Variants in GNAI1 observed in about 807,000 individuals in gnomAD.
The protein encoded by GNAI1 is G protein subunit alpha i1.
Under a neutral mutation model 38.9 loss-of-function variants are expected in GNAI1, and 11 were observed. The ratio of observed to expected loss-of-function variants is 0.28; its 90% CI spans 0.18 to 0.47. GNAI1 has a LOEUF of 0.47. Among genes scored for constraint, GNAI1 ranks in the 20% least tolerant of loss-of-function variants. The pLI is 0.99. For missense variants in GNAI1, 317 were observed against 436.9 expected (o/e 0.73, Z 2.45); for synonymous variants, 166 against 145.1 (o/e 1.14, Z -1.04).
At chr7:80,135,458 C>A in intron 1 of GNAI1, 180 bp downstream of exon 1, 1 of 418,952 alleles carries the variant, frequency 2.4e-6, no homozygotes, top group East Asian at 3.6e-5. Flanking sequence ...TGTCTGGTCT[C>A]TCTCCGCCCC....
rs1418411064 is a variant in GNAI1 at position 80,225,747 on chromosome 7, C to A, written c.*8254C>A. Reference sequence around the variant, plus strand: ...TCTTTAACAGTCAATAAAATCATATCTACTAATCAATACATTTGAAGTTTA... The same window carrying A: ...TCTTTAACAGTCAATAAAATCATATATACTAATCAATACATTTGAAGTTTA... On this transcript the variant is annotated 3_prime_UTR_variant, in exon 8 of 8. Transcript: ENST00000649796. 1.3e-5 allele frequency among the ~76,000 whole-genome samples: 2 copies of A among 152,112 alleles called. No homozygotes were observed. The highest frequency in any genetic ancestry group is 1.5e-5 in the Non-Finnish European group (1 of 68,012).
intron 1 of GNAI1, among the ~76,000 whole-genome samples, chr7:80,184,785 T>G (rs1409791086): frequency 6.6e-6 from 1 of 152,196 alleles, no homozygotes; most frequent in Non-Finnish European, 1.5e-5. Context: ...CATGCCTGAC[T>G]AGCTACCTAC....
intron 1 of GNAI1, among the ~76,000 whole-genome samples, chr7:80,145,103 G>A (rs150688240): frequency 9.9e-5 from 15 of 152,118 alleles, no homozygotes; most frequent in Non-Finnish European, 1.8e-4. Flanking sequence ...AGACTCCTGT[G>A]TCCTGGTCTC....
chr7:80,139,688 G>GAGAGCAAAT (rs1311379557), intron 1 of GNAI1, among the ~76,000 whole-genome samples: 2 of 152,104 alleles, frequency 1.3e-5, no homozygotes, highest in East Asian at 3.9e-4. Context: ...GCAAATAACT[G>GAGAGCAAAT]TCCAGCCAAA....
At chr7:80,190,767 T>TA (rs1332230153) in intron 3 of GNAI1, among the ~76,000 whole-genome samples, 1 of 152,152 alleles carries the variant, frequency 6.6e-6, no homozygotes, top group Non-Finnish European at 1.5e-5. Context: ...TTTATGTGCT[T>TA]ACGAAAGAAA....
chr7:80,187,232 T>A (rs1362078906), intron 1 of GNAI1: 2 of 145,140 alleles, frequency 1.4e-5, no homozygotes, highest in East Asian at 4.2e-4. Flanking sequence ...TGTGTGTGTG[T>A]GTGTGTGTCT....
chr7:80,184,600 A>G (rs1284027862), intron 1 of GNAI1, among the ~76,000 whole-genome samples: 2 of 152,178 alleles, frequency 1.3e-5, no homozygotes, highest in Non-Finnish European at 2.9e-5. Flanking sequence ...TTCAGATCTT[A>G]TTGGGAAGCT....
At chr7:80,164,329 C>T (rs1787977425) in intron 1 of GNAI1, among the ~76,000 whole-genome samples, 1 of 151,636 alleles carries the variant, frequency 6.6e-6, no homozygotes, top group African/African-American at 2.4e-5. Flanking sequence ...GCGTAAGCCA[C>T]CGCACCTGGC....
At position 80,217,379 on chromosome 7, in the gene GNAI1, G is replaced by A. The variant is rs780501661; in HGVS notation, c.951G>A (p.Lys317=). 3 of 1,605,760 alleles carry A rather than the reference G, an allele frequency of 1.9e-6. No homozygotes were observed. Among genetic ancestry groups the A allele is most frequent in the Admixed American group, 1.7e-5 (1 of 59,450 alleles). The change falls in exon 8 of 8, where the codon AAG becomes AAA. Residue 317 remains lysine, a synonymous_variant. Transcript: ENST00000649796. ...FEDLNKRKDT[K]EIYTHFTCAT... ...ACCTCAATAAAAGAAAGGACACAAA[G>A]GAAATATACACCCACTTCACATGTG...
chr7:80,202,638 C>T (rs1297372684), intron 4 of GNAI1, among the ~76,000 whole-genome samples: 1 of 152,178 alleles, frequency 6.6e-6, no homozygotes, highest in African/African-American at 2.4e-5. Flanking sequence ...AGGCTGTCAT[C>T]TCTCTATGTA....
chr7:80,215,118 A>G (rs1264337221), intron 7 of GNAI1, among the ~76,000 whole-genome samples: 1 of 152,136 alleles, frequency 6.6e-6, no homozygotes, highest in African/African-American at 2.4e-5. Flanking sequence ...GTTATCACCT[A>G]TACTTACCTT....
At chr7:80,181,634 T>TA (rs1218338888) in intron 1 of GNAI1, among the ~76,000 whole-genome samples, 2 of 152,178 alleles carry the variant, frequency 1.3e-5, no homozygotes, top group African/African-American at 4.8e-5. Context: ...AATTCTTTCT[T>TA]TTGTCCTGCC....
intron 3 of GNAI1, among the ~76,000 whole-genome samples, chr7:80,198,574 A>G (rs1584044498): frequency 6.6e-6 from 1 of 152,018 alleles, no homozygotes; most frequent in Admixed American, 6.6e-5. Flanking sequence ...GAGTATTTCT[A>G]CTCCAAAGCT....
At chr7:80,186,701 G>A (rs1788391448) in intron 1 of GNAI1, among the ~76,000 whole-genome samples, 1 of 152,044 alleles carries the variant, frequency 6.6e-6, no homozygotes, top group Admixed American at 6.6e-5. Context: ...TATATCTGTG[G>A]TATCACCATC....
intron 1 of GNAI1, among the ~76,000 whole-genome samples, chr7:80,148,381 T>C (rs1044112640): frequency 1.3e-5 from 2 of 152,072 alleles, no homozygotes; most frequent in Non-Finnish European, 2.9e-5. Context: ...TTCTGAAAAA[T>C]ATGAAACTCT....
chr7:80,189,021 T>C, intron 2 of GNAI1, 28 bp downstream of exon 2: 1 of 1,604,696 alleles, frequency 6.2e-7, no homozygotes, highest in Non-Finnish European at 8.5e-7. Context: ...CCAAATTTGC[T>C]GTTTAAGTTA....
chr7:80,212,809 G>T lies in GNAI1; in HGVS notation c.814G>T (p.Asp272Tyr). 6.3e-7 allele frequency: 1 copy of T among 1,577,746 alleles called. No homozygotes were observed. The highest frequency in any genetic ancestry group is 8.6e-7 in the Non-Finnish European group (1 of 1,161,718). ...CATTATACTTTTTCTAAACAAGAAG[G>T]ATCTCTTTGAAGAAAAAATCAAAAA... The part of the protein sequence containing the change: ...TSIILFLNKK[D>Y]LFEEKIKKSP... Residue 272 changes from aspartate (D) to tyrosine (Y), a missense_variant, in exon 7 of 8, where the codon GAT becomes TAT. Coordinates refer to ENST00000649796, the MANE Select transcript of GNAI1 (RefSeq NM_002069.6).
intron 4 of GNAI1, among the ~76,000 whole-genome samples, chr7:80,200,345 A>AAAAAAAAAAAAAAAAC (rs1562841169): frequency 6.6e-6 from 1 of 150,640 alleles, no homozygotes; most frequent in African/African-American, 2.5e-5. Flanking sequence ...AAAAAAAAAA[A>AAAAAAAAAAAAAAAAC]AACCTAATCA....
chr7:80,157,932 C>T (rs999138656), intron 1 of GNAI1, among the ~76,000 whole-genome samples: 5 of 152,128 alleles, frequency 3.3e-5, no homozygotes, highest in Admixed American at 3.3e-4. Context: ...TAGTCTTGAA[C>T]TCCTGACCTC....
Sources: gnomAD v4.1 joint callset for allele counts (sites outside exome capture counted in the v4.1 genomes callset) on GRCh38, gnomAD v4.1.1 for gene constraint, MANE v1.5 for transcripts, NCBI Gene and HGNC (gene_info 2026-07-23, HGNC 2026-07-21) for gene names.